SNX31: variants seen among roughly 807,000 people sequenced by gnomAD.
The protein encoded by SNX31 is sorting nexin 31, also known as sorting nexin-31.
SNX31 carries 58 observed loss-of-function variants against 65.4 expected under a neutral mutation model. That is an observed-to-expected ratio of 0.89 (90% CI 0.72 to 1.10). The LOEUF is 1.10. Among genes scored for constraint, SNX31 ranks in the 50% least tolerant of loss-of-function variants. SNX31 has a pLI of 0.00. For synonymous variants in SNX31, 181 were observed against 190.1 expected (o/e 0.95, Z 0.39); for missense variants, 523 against 529.7 (o/e 0.99, Z 0.12).
intron 9 of SNX31, among the ~76,000 whole-genome samples, chr8:100,597,242 A>C (rs996171691): frequency 6.6e-6 from 1 of 151,080 alleles, no homozygotes; most frequent in Non-Finnish European, 1.5e-5. Context: ...AAAAGTGTAC[A>C]TTGGCTTTTT....
chr8:100,641,145 G>A (rs1371466930), intron 2 of SNX31, among the ~76,000 whole-genome samples: 2 of 151,958 alleles, frequency 1.3e-5, no homozygotes, highest in Non-Finnish European at 2.9e-5. Context: ...CTGAGATCTG[G>A]AATCAATGGG....
At position 100,604,091 on chromosome 8, in the gene SNX31, C is replaced by T. The variant is rs1385712606; in HGVS notation, c.682-3650G>A. ...CCCTGATTGTGGGTTCACAAGTCAT[C>T]AACTCAAATGTGATATTATACAGTG... On this transcript the variant is annotated intron_variant, in intron 8 of 13. Coordinates refer to ENST00000311812, the MANE Select transcript of SNX31 (RefSeq NM_152628.4). This position sits in a 1 kb window ranked among gnomAD's most constrained non-coding sequence, Gnocchi z 4.3. Among the ~76,000 whole-genome samples, 1 of 152,090 alleles carries T rather than the reference C, an allele frequency of 6.6e-6. No individual in the cohort carries two copies. Among genetic ancestry groups the T allele is most frequent in the Non-Finnish European group, 1.5e-5 (1 of 68,012 alleles).
chr8:100,596,415 T>C (rs1413547330), intron 10 of SNX31, among the ~76,000 whole-genome samples: 1 of 152,034 alleles, frequency 6.6e-6, no homozygotes, highest in Non-Finnish European at 1.5e-5. Context: ...GGGAGGCCTG[T>C]TGTTAGGAAG....
chr8:100,658,094 T>C (rs1031953348), intron 1 of SNX31, among the ~76,000 whole-genome samples: 8 of 152,000 alleles, frequency 5.3e-5, no homozygotes, highest in Non-Finnish European at 7.4e-5. Flanking sequence ...CCTTCAGGGA[T>C]CCTGATTTAA....
In SNX31 at chr8:100,572,954, T is replaced by C. The variant is rs1258182267; in HGVS notation, c.*911A>G. 6.6e-6 allele frequency: 1 copy of C among 152,574 alleles called. No individual in the cohort carries two copies. Among genetic ancestry groups the C allele is most frequent in the Non-Finnish European group, 1.5e-5 (1 of 68,036 alleles). The allele number at this position is 152,574 out of a possible 1,614,324, so 9.5% of individuals were successfully genotyped here. ...ACAACCCAGTTAGAACATTAGAATA[T>C]TGTACTTTTTCTAATTACACTATAC... On this transcript the variant is annotated 3_prime_UTR_variant, in exon 14 of 14. Coordinates refer to ENST00000311812, the MANE Select transcript of SNX31 (RefSeq NM_152628.4).
At chr8:100,607,624 T>C (rs935277434) in intron 8 of SNX31, among the ~76,000 whole-genome samples, 7 of 152,202 alleles carry the variant, frequency 4.6e-5, no homozygotes, top group African/African-American at 1.4e-4. Context: ...GTAAAAAACA[T>C]TAATTGTACA....
chr8:100,616,066 G>C (rs1817173260), intron 5 of SNX31, among the ~76,000 whole-genome samples: 1 of 152,206 alleles, frequency 6.6e-6, no homozygotes, highest in East Asian at 1.9e-4. Context: ...GAGCCACAGT[G>C]CCTGGCCAAA....
chr8:100,593,973 TTTGATCTGCAAAAGACCTTGTTTA>T (rs1391045647), intron 10 of SNX31, among the ~76,000 whole-genome samples: 2 of 152,114 alleles, frequency 1.3e-5, no homozygotes. Flanking sequence ...ATGAAACATT[TTTGATCTGCAAAAGACCTTGTTTA>T]AGAGGATGAA....
intron 2 of SNX31, among the ~76,000 whole-genome samples, chr8:100,642,118 T>A (rs990314013): frequency 6.6e-6 from 1 of 152,112 alleles, no homozygotes; most frequent in South Asian, 2.1e-4. Context: ...GACAATTCTG[T>A]TTCTTTTAAA....
At chr8:100,638,122 C>T (rs949633208) in intron 2 of SNX31, among the ~76,000 whole-genome samples, 2 of 152,180 alleles carry the variant, frequency 1.3e-5, no homozygotes, top group African/African-American at 4.8e-5. Context: ...CACTGCCCTC[C>T]AGCCTGGGCA....
chr8:100,643,375 G>A (rs1400878954), intron 2 of SNX31, among the ~76,000 whole-genome samples: 3 of 151,940 alleles, frequency 2.0e-5, no homozygotes. Context: ...AAATGGTGAT[G>A]GCCTGGGACA....
chr8:100,573,449 C>A lies in SNX31; in HGVS notation c.*416G>T, dbSNP rs1812786319. On this transcript the variant is annotated 3_prime_UTR_variant, in exon 14 of 14. Coordinates refer to ENST00000311812, the MANE Select transcript of SNX31 (RefSeq NM_152628.4). ...ATCTTTAGAAATCGATCCAAAATAT[C>A]TTTATGATATTTTATGAGACTTTCA... 6.6e-6 allele frequency: 1 copy of A among 152,558 alleles called. No homozygotes were observed. The highest frequency in any genetic ancestry group is 6.5e-5 in the Admixed American group (1 of 15,274). 9.5% of individuals were successfully genotyped at this position (152,558 alleles called of 1,614,324 possible). A position where few individuals can be genotyped will look rare whatever the true frequency, so the allele number is the denominator to read the frequency against.
intron 3 of SNX31, among the ~76,000 whole-genome samples, chr8:100,633,189 A>G (rs1242493010): frequency 6.6e-6 from 1 of 152,000 alleles, no homozygotes; most frequent in Non-Finnish European, 1.5e-5. Flanking sequence ...TTAACCTCCC[A>G]AAGTGCTGGA....
chr8:100,583,868 A>C (rs749357511), intron 12 of SNX31, among the ~76,000 whole-genome samples: 2 of 152,228 alleles, frequency 1.3e-5, no homozygotes, highest in African/African-American at 4.8e-5. Flanking sequence ...TAGAATTCTC[A>C]GTAACCCAAA....
At chr8:100,621,371 C>T (rs766237876) in intron 4 of SNX31, among the ~76,000 whole-genome samples, 4 of 152,208 alleles carry the variant, frequency 2.6e-5, no homozygotes, top group Admixed American at 2.0e-4. Context: ...TCTAAGCTAC[C>T]ATGTGTTAAG....
intron 10 of SNX31, among the ~76,000 whole-genome samples, chr8:100,596,053 G>A (rs1408576240): frequency 6.6e-6 from 1 of 152,170 alleles, no homozygotes; most frequent in East Asian, 1.9e-4. Flanking sequence ...TAACAAGTGG[G>A]TGTCATGCTC....
chr8:100,598,318 C>A (rs1815298417), intron 9 of SNX31, among the ~76,000 whole-genome samples: 1 of 152,106 alleles, frequency 6.6e-6, no homozygotes, highest in African/African-American at 2.4e-5. Flanking sequence ...TGATTGGGGG[C>A]AGGAGCTGAG....
At chr8:100,650,426 G>A (rs1355500295), upstream of SNX31, among the ~76,000 whole-genome samples, 1 of 152,174 alleles carries the variant, frequency 6.6e-6, no homozygotes, top group African/African-American at 2.4e-5. Flanking sequence ...AGGGGGTGGA[G>A]GAACTTGTCC....
At chr8:100,589,042 G>T in intron 10 of SNX31, 63 bp from the exon 11 acceptor site, 2 of 1,329,024 alleles carry the variant, frequency 1.5e-6, no homozygotes, top group Non-Finnish European at 2.1e-6. Flanking sequence ...GCCGGGCACG[G>T]TGGCTCACAC....
Sources: allele counts gnomAD v4.1 joint callset (sites outside exome capture counted in the v4.1 genomes callset), GRCh38; gene constraint gnomAD v4.1.1; non-coding constraint Gnocchi (gnomAD v3.1); transcripts MANE v1.5; gene names NCBI Gene and HGNC (gene_info 2026-07-23, HGNC 2026-07-21).